SEC16A: variants seen among roughly 807,000 people sequenced by gnomAD.
SEC16A encodes protein transport protein Sec16A.
Under a neutral mutation model 221.9 loss-of-function variants are expected in SEC16A, and 110 were observed. The observed-to-expected ratio is 0.50, with a 90% CI of 0.42 to 0.58. The LOEUF is 0.58. SEC16A is among the 20% of genes least tolerant of loss of function. The probability of loss-of-function intolerance (pLI) is 0.00; values close to 1 mark genes in which losing one functional copy is unlikely to be tolerated. For synonymous variants in SEC16A, 1,393 were observed against 1,257.7 expected, an observed-to-expected ratio of 1.11 and a Z score of -2.28; for missense variants, 3,165 against 3,097.8, an observed-to-expected ratio of 1.02 and a Z score of -0.52.
intron 23 of SEC16A, chr9:136,448,754 C>A (rs2131899719): frequency 1.5e-6 from 1 of 684,180 alleles, no homozygotes; most frequent in East Asian, 2.8e-5. Context: ...AGGTGGGGGG[C>A]AGATCCACAG....
At position 136,475,333 on chromosome 9, in the gene SEC16A, T is replaced by C. The variant is rs1469701293; in HGVS notation, c.2283A>G (p.Pro761=). ...AKPQPPVVQP[P]EEAMSGQQSR... is the part of the protein sequence containing the mutation. The stretch of plus-strand genomic sequence containing the variant: ...ACTGCTGCCCGGACATCGCCTCTTC[T>C]GGAGGCTGAACAACAGGTGGCTGAG... Residue 761 remains proline, a synonymous_variant, in exon 3 of 32, where the codon CCA becomes CCG. Transcript: ENST00000684901. The surrounding 1 kb of genome is among the most constrained non-coding windows in gnomAD (Gnocchi z 5.0). 6.2e-6 allele frequency: 10 copies of C among 1,611,560 alleles called. No individual in the cohort carries two copies. The highest frequency in any genetic ancestry group is 7.6e-6 in the Non-Finnish European group (9 of 1,178,312).
Position 136,451,245 on chromosome 9 carries a change from G to T in SEC16A, c.6312+11C>A. On this transcript the variant is annotated intron_variant, in intron 23 of 31. Transcript: ENST00000684901. ...CCGGCCGCCAGGCGCACCGTGGGCA[G>T]GCTGTACTACCTTCTTAGGTTCCTT... is the stretch of plus-strand genomic sequence containing the variant. 1 of 1,608,438 alleles carries T rather than the reference G, an allele frequency of 6.2e-7. No individual in the cohort carries two copies. Among genetic ancestry groups the T allele is most frequent in the Non-Finnish European group, 8.5e-7 (1 of 1,177,404 alleles).
In SEC16A at chr9:136,475,854, C is replaced by T. The variant is rs757350105; in HGVS notation, c.1762G>A (p.Val588Met). ...TTVSQNYRGS[V>M]SQPSTPSPPK... is the part of the protein sequence containing the mutation. ...GGGCTCGGGGTTGAGGGCTGGGACACGCTGCCACGGTAATTCTGGCTCACA... is the reference window on the plus strand; with the variant it reads ...GGGCTCGGGGTTGAGGGCTGGGACATGCTGCCACGGTAATTCTGGCTCACA... The change falls in exon 3 of 32, where the codon GTG (valine) becomes ATG (methionine). Residue 588 changes from valine to methionine, a missense_variant. Val to Met is a conservative substitution (Grantham distance 21). Around this residue, in one of 3 missense-constraint regions of SEC16A, gnomAD observed 2,030 missense variants for 1,923.1 expected, o/e 1.06. Transcript: ENST00000684901. The surrounding 1 kb of genome is among the most constrained non-coding windows in gnomAD (Gnocchi z 5.0). The T allele has an allele frequency of 1.7e-5, 27 of 1,591,236 alleles. No individual in the cohort carries two copies. Among genetic ancestry groups the T allele is most frequent in the East Asian group, 4.6e-5 (2 of 43,928 alleles).
In SEC16A at chr9:136,441,808, C is replaced by T. The variant is rs750736045; in HGVS notation, c.7021G>A (p.Gly2341Arg). The T allele has an allele frequency of 5.0e-6, 8 of 1,613,042 alleles. No individual in the cohort carries two copies. Among genetic ancestry groups the T allele is most frequent in the African/African-American group, 1.3e-5 (1 of 74,912 alleles). The change falls in exon 32 of 32, where the codon GGG (glycine) becomes AGG (arginine). Residue 2341 changes from glycine to arginine, a missense_variant. Physicochemically the swap from Gly to Arg is moderately radical, Grantham distance 125. Coordinates refer to ENST00000684901, the MANE Select transcript of SEC16A (RefSeq NM_014866.2). ...CCAATCCTCCCTAGCCTTGAGCTCCCGGAGGTGGCGCAGGCCTGGAATGAA... is the reference window on the plus strand; with the variant it reads ...CCAATCCTCCCTAGCCTTGAGCTCCTGGAGGTGGCGCAGGCCTGGAATGAA... ...AQLAQACATS[G>R]SSRLGRIGQR...
upstream of SEC16A, chr9:136,483,833 C>G: frequency 1.0e-6 from 1 of 982,492 alleles, no homozygotes; most frequent in Non-Finnish European, 1.2e-6. Context: ...GCCGGAGCTG[C>G]GGGACGCGGA....
chr9:136,467,832 C>A (rs1171518266), intron 5 of SEC16A, among the ~76,000 whole-genome samples: 1 of 152,200 alleles, frequency 6.6e-6, no homozygotes, highest in African/African-American at 2.4e-5. Flanking sequence ...GCACTAGAGG[C>A]CACAGCCAGG....
At chr9:136,454,046 A>G (rs1216586819) in intron 21 of SEC16A, 63 bp downstream of exon 21, 36 of 1,400,080 alleles carry the variant, frequency 2.6e-5, no homozygotes, top group Non-Finnish European at 3.4e-5. Context: ...TCTTCCACCA[A>G]TCCCCACAAA....
At position 136,455,730 on chromosome 9, in the gene SEC16A, AACTCGGAGTGCCAGG is replaced by A. The variant is rs1838552047; in HGVS notation, c.5713_5727del (p.Pro1905_Ser1909del). ...GGCCTGTCCAACTGCTCCATCTCGGAACTCGGAGTGCCAGGACACTGCTGCGGGAGGGCTCCATCC... is the reference window on the plus strand; with the variant it reads ...GGCCTGTCCAACTGCTCCATCTCGGAACACTGCTGCGGGAGGGCTCCATCC... On this transcript the variant is annotated inframe_deletion, in exon 20 of 32. Transcript: ENST00000684901. The A allele has an allele frequency of 1.3e-6, 2 of 1,597,478 alleles. No individual in the cohort carries two copies. Among genetic ancestry groups the A allele is most frequent in the African/African-American group, 2.7e-5 (2 of 74,500 alleles).
At chr9:136,457,730 C>T (rs1470966864) in intron 17 of SEC16A, 146 bp from the exon 18 acceptor site, 8 of 1,014,410 alleles carry the variant, frequency 7.9e-6, no homozygotes, top group East Asian at 5.3e-5. Flanking sequence ...CACTCATCAT[C>T]GTCTCCCACC....
chr9:136,462,628 C>T (rs1839642417), intron 12 of SEC16A, among the ~76,000 whole-genome samples: 5 of 152,188 alleles, frequency 3.3e-5, no homozygotes, highest in Admixed American at 3.3e-4. Flanking sequence ...TCAACATGTG[C>T]ATTTATCGAA....
Position 136,447,157 on chromosome 9 carries a change from T to G in SEC16A, c.6697+70A>C. 6.5e-7 allele frequency: 1 copy of G among 1,544,200 alleles called. No individual in the cohort carries two copies. The highest frequency in any genetic ancestry group is 2.0e-5 in the Admixed American group (1 of 50,678). On this transcript the variant is annotated intron_variant, in intron 27 of 31. Coordinates refer to ENST00000684901, the MANE Select transcript of SEC16A (RefSeq NM_014866.2). This position sits in a 1 kb window ranked among gnomAD's most constrained non-coding sequence, Gnocchi z 5.5. ...TTTTAACGGGAGATTTAGGAGAGAC[T>G]CATAGAAAGAGGATCAAAGGTCAGG...
At chr9:136,455,257 G>A (rs1370062930) in intron 20 of SEC16A, among the ~76,000 whole-genome samples, 1 of 152,214 alleles carries the variant, frequency 6.6e-6, no homozygotes, top group Non-Finnish European at 1.5e-5. Flanking sequence ...TTACAGAGGG[G>A]CACAGCCGAG....
chr9:136,456,275 T>C, intron 18 of SEC16A, 109 bp from the exon 19 acceptor site: 1 of 743,966 alleles, frequency 1.3e-6, no homozygotes, highest in Non-Finnish European at 2.3e-6. Context: ...CAATAAAGTT[T>C]AATTAGCTGC....
In SEC16A at chr9:136,443,858, C is replaced by A. The variant is rs762635733; in HGVS notation, c.6970G>T (p.Ala2324Ser). 3.1e-6 allele frequency: 5 copies of A among 1,611,596 alleles called. No individual in the cohort carries two copies. The highest frequency in any genetic ancestry group is 4.2e-6 in the Non-Finnish European group (5 of 1,178,968). Residue 2324 changes from alanine to serine, a missense_variant, in exon 31 of 32, where the codon GCC becomes TCC. Coordinates refer to ENST00000684901, the MANE Select transcript of SEC16A (RefSeq NM_014866.2). Reference protein sequence around the residue: ...LPAAGGPPSGAMPFYNPAQLA... With the variant: ...LPAAGGPPSGSMPFYNPAQLA... ...TGAGCAGGGTTGTAGAAGGGCATGG[C>A]CCCGCTGGGAGGGCCCCCTGCAGCA...
At chr9:136,480,802 A>G (rs1485961294) in intron 1 of SEC16A, among the ~76,000 whole-genome samples, 12 of 152,090 alleles carry the variant, frequency 7.9e-5, no homozygotes, top group African/African-American at 2.9e-4. Flanking sequence ...AGGCAGGAGA[A>G]TGGCGTAAAC....
chr9:136,480,753 G>GGC (rs1342915067), intron 1 of SEC16A, among the ~76,000 whole-genome samples: 1 of 152,128 alleles, frequency 6.6e-6, no homozygotes, highest in Non-Finnish European at 1.5e-5. Context: ...AGCCGGGCGT[G>GGC]GTGGCGGGCG....
chr9:136,482,596 G>A (rs1446185374), intron 1 of SEC16A, among the ~76,000 whole-genome samples: 1 of 152,242 alleles, frequency 6.6e-6, no homozygotes. Context: ...AGCCGGTGAG[G>A]ACAAGACACG....
In SEC16A at chr9:136,466,796, G is replaced by A. The variant is rs1840223762; in HGVS notation, c.3929+161C>T. ...ACAGTCCAAGCTGGGAACCCTGGGA[G>A]GGTCTGCTCCCTCCTTCCTTTCAGA... is the stretch of plus-strand genomic sequence containing the variant. On this transcript the variant is annotated intron_variant, in intron 6 of 31. Coordinates refer to ENST00000684901, the MANE Select transcript of SEC16A (RefSeq NM_014866.2). This position sits in a 1 kb window ranked among gnomAD's most constrained non-coding sequence, Gnocchi z 5.5. Among the ~76,000 whole-genome samples, 1 of 152,212 alleles carries A rather than the reference G, an allele frequency of 6.6e-6. No individual in the cohort carries two copies. Among genetic ancestry groups the A allele is most frequent in the South Asian group, 2.1e-4 (1 of 4,836 alleles).
In SEC16A at chr9:136,447,087, A is replaced by AT. The variant is rs1203660836; in HGVS notation, c.6697+139_6698-138insA. 6 of 1,444,788 alleles carry AT rather than the reference A, an allele frequency of 4.2e-6. No individual in the cohort carries two copies. In the East Asian group the frequency reaches 1.4e-4, roughly 34 times the overall value. The allele number at this position is 1,444,788 out of a possible 1,614,324, so 89.5% of individuals were successfully genotyped here. A position where few individuals can be genotyped will look rare whatever the true frequency, so the allele number is the denominator to read the frequency against. On this transcript the variant is annotated intron_variant, in intron 27 of 31. Coordinates refer to ENST00000684901, the MANE Select transcript of SEC16A (RefSeq NM_014866.2). The surrounding 1 kb of genome is among the most constrained non-coding windows in gnomAD (Gnocchi z 5.5). ...CAGAAACAGGCAAATCAAAAAAAAAACCACAAACCAACCCCAGGCTCTCTG... is the reference window on the plus strand; with the variant it reads ...CAGAAACAGGCAAATCAAAAAAAAAATCCACAAACCAACCCCAGGCTCTCTG...
Sources: gnomAD v4.1 joint callset for allele counts (sites outside exome capture counted in the v4.1 genomes callset) on GRCh38, gnomAD v4.1.1 for gene constraint, gnomAD v4.1.1 regional missense constraint, Gnocchi (gnomAD v3.1) non-coding constraint, MANE v1.5 for transcripts, NCBI Gene and HGNC (gene_info 2026-07-23, HGNC 2026-07-21) for gene names.